Variants in ARHGAP26 observed in about 807,000 individuals in gnomAD.
ARHGAP26 encodes the protein rho GTPase-activating protein 26.
Under a neutral mutation model 104.8 loss-of-function variants are expected in ARHGAP26, and 38 were observed. The observed-to-expected ratio is 0.36, with a 90% CI of 0.28 to 0.48. The LOEUF (loss-of-function observed/expected upper bound fraction) is 0.48, where lower values mean the gene tolerates loss of function less well. ARHGAP26 is among the 20% of genes least tolerant of loss of function. The pLI is 0.99. For missense variants in ARHGAP26, 704 were observed against 947.9 expected (o/e 0.74, Z 3.38); for synonymous variants, 341 against 340.0 (o/e 1.00, Z -0.03).
chr5:142,939,747 C>CA lies in ARHGAP26; in HGVS notation c.1107+7623dup, dbSNP rs545313075. Among the ~76,000 whole-genome samples the CA allele has an allele frequency of 2.0e-5, 3 of 152,352 alleles. No individual in the cohort carries two copies. The South Asian group carries it at 6.2e-4, about 32-fold the overall frequency. Reference sequence around the variant, plus strand: ...TTGGCAGTCTCAAATTGGAAAATGACAGTCTCTCTGAGCAGGTTTCCTCAC... The same window carrying CA: ...TTGGCAGTCTCAAATTGGAAAATGACAAGTCTCTCTGAGCAGGTTTCCTCAC... On this transcript the variant is annotated intron_variant, in intron 11 of 22. Transcript: ENST00000645722.
chr5:142,813,363 G>T (rs770817313), intron 1 of ARHGAP26, among the ~76,000 whole-genome samples: 1 of 152,194 alleles, frequency 6.6e-6, no homozygotes, highest in Admixed American at 6.5e-5. Context: ...GCACTCAGTG[G>T]CCTGATAGGA....
chr5:142,814,658 G>A (rs1363578500), intron 1 of ARHGAP26, among the ~76,000 whole-genome samples: 1 of 152,210 alleles, frequency 6.6e-6, no homozygotes, highest in Non-Finnish European at 1.5e-5. Flanking sequence ...AGGCAGTGTA[G>A]TATGGTGACT....
At chr5:142,813,272 T>C (rs1764478052) in intron 1 of ARHGAP26, among the ~76,000 whole-genome samples, 1 of 152,192 alleles carries the variant, frequency 6.6e-6, no homozygotes, top group Non-Finnish European at 1.5e-5. Flanking sequence ...CTACCTATCC[T>C]CTCTGTGTAA....
intron 1 of ARHGAP26, chr5:142,867,028 C>T (rs531179498): frequency 2.5e-4 from 38 of 152,336 alleles, no homozygotes; most frequent in African/African-American, 9.1e-4. Flanking sequence ...GCCAGGGCCC[C>T]TCTCTCAGTT....
chr5:142,958,635 C>G (rs1769647373), intron 11 of ARHGAP26, among the ~76,000 whole-genome samples: 1 of 152,186 alleles, frequency 6.6e-6, no homozygotes. Context: ...CCACTGCACT[C>G]CAGCCTGAGC....
chr5:143,008,727 T>C (rs1428871358), intron 11 of ARHGAP26, among the ~76,000 whole-genome samples: 1 of 152,238 alleles, frequency 6.6e-6, no homozygotes, highest in East Asian at 1.9e-4. Context: ...AAAAGTTAGA[T>C]TGTTTTGTCA....
intron 10 of ARHGAP26, among the ~76,000 whole-genome samples, chr5:142,923,096 T>G (rs1213536188): frequency 6.6e-6 from 1 of 151,974 alleles, no homozygotes; most frequent in Non-Finnish European, 1.5e-5. Flanking sequence ...AGTTTTTTTT[T>G]TTCTTTTAAT....
intron 15 of ARHGAP26, among the ~76,000 whole-genome samples, chr5:143,055,676 C>CAAATAT (rs1003761640): frequency 1.2e-4 from 18 of 152,256 alleles, no homozygotes; most frequent in African/African-American, 4.3e-4. Context: ...TCAAGACTTG[C>CAAATAT]AAATATGTAG....
At chr5:143,142,741 A>G (rs7705859) in intron 19 of ARHGAP26, among the ~76,000 whole-genome samples, 1 of 152,118 alleles carries the variant, frequency 6.6e-6, no homozygotes, top group African/African-American at 2.4e-5. Flanking sequence ...CAGAGATGGT[A>G]AACTCAGAAA....
At chr5:143,056,974 C>G (rs765006517) in intron 16 of ARHGAP26, among the ~76,000 whole-genome samples, 2 of 152,214 alleles carry the variant, frequency 1.3e-5, no homozygotes, top group Admixed American at 6.5e-5. Context: ...CCATTCTCTA[C>G]TTAAACCTCA....
At chr5:142,922,323 A>G (rs1177926247) in intron 10 of ARHGAP26, among the ~76,000 whole-genome samples, 2 of 152,192 alleles carry the variant, frequency 1.3e-5, no homozygotes, top group East Asian at 1.9e-4. Flanking sequence ...TTCAACATTC[A>G]ACCTCTAGAT....
At chr5:143,085,782 C>T (rs1484981772) in intron 17 of ARHGAP26, among the ~76,000 whole-genome samples, 1 of 152,186 alleles carries the variant, frequency 6.6e-6, no homozygotes, top group Non-Finnish European at 1.5e-5. Context: ...CCTGAAGTGG[C>T]TGTGGGTACG....
chr5:143,141,071 A>G (rs1798464687), intron 19 of ARHGAP26, among the ~76,000 whole-genome samples: 1 of 152,264 alleles, frequency 6.6e-6, no homozygotes, highest in Non-Finnish European at 1.5e-5. Context: ...GCTTTGGCAG[A>G]TGACATGTTT....
At chr5:143,049,907 T>G (rs143333376) in intron 14 of ARHGAP26, among the ~76,000 whole-genome samples, 72 of 152,352 alleles carry the variant, frequency 4.7e-4, no homozygotes, top group Admixed American at 2.5e-3. Context: ...TCTACGGCTC[T>G]CCTTCTGATT....
At chr5:142,981,734 A>G (rs1193515613) in intron 11 of ARHGAP26, among the ~76,000 whole-genome samples, 1 of 151,992 alleles carries the variant, frequency 6.6e-6, no homozygotes, top group Non-Finnish European at 1.5e-5. Flanking sequence ...CTCCCTCTTC[A>G]CTTCTCCAGA....
chr5:143,149,573 A>G (rs1267050893), intron 20 of ARHGAP26, among the ~76,000 whole-genome samples: 2 of 152,172 alleles, frequency 1.3e-5, no homozygotes, highest in African/African-American at 4.8e-5. Flanking sequence ...AGTCCTAACA[A>G]ATGGACCCAC....
chr5:142,822,425 C>T (rs1375320139), intron 1 of ARHGAP26, among the ~76,000 whole-genome samples: 2 of 152,094 alleles, frequency 1.3e-5, no homozygotes, highest in African/African-American at 4.8e-5. Flanking sequence ...AACTTTAGCT[C>T]ACTGTTGAAC....
intron 17 of ARHGAP26, among the ~76,000 whole-genome samples, chr5:143,100,829 G>C (rs1793110723): frequency 6.6e-6 from 1 of 152,214 alleles, no homozygotes; most frequent in African/African-American, 2.4e-5. Flanking sequence ...GGTGGCTCAT[G>C]CCTGTAATCC....
At chr5:143,222,281 A>C (rs886663304) in intron 22 of ARHGAP26, 77 bp from the exon 23 acceptor site, 47 of 844,034 alleles carry the variant, frequency 5.6e-5, no homozygotes, top group Admixed American at 2.9e-4. Context: ...ACACACACAC[A>C]CACCCCACAC....
Sources: allele counts gnomAD v4.1 joint callset (sites outside exome capture counted in the v4.1 genomes callset), GRCh38; gene constraint gnomAD v4.1.1; transcripts MANE v1.5; gene names NCBI Gene and HGNC (gene_info 2026-07-23, HGNC 2026-07-21).